ANXA10: variants seen among roughly 807,000 people sequenced by gnomAD.
The protein encoded by ANXA10 is annexin A10.
A neutral mutation model predicts 53.5 loss-of-function variants in ANXA10; 49 were observed. The observed-to-expected ratio is 0.92, with a 90% CI of 0.73 to 1.16. ANXA10 has a LOEUF of 1.16. ANXA10 is among the 50% of genes most tolerant of loss of function. The pLI, the probability that ANXA10 is intolerant of heterozygous loss-of-function variation, is 0.00. For synonymous variants in ANXA10, 131 were observed against 128.9 expected, an observed-to-expected ratio of 1.02 and a Z score of -0.11; for missense variants, 393 against 394.4, an observed-to-expected ratio of 1.00 and a Z score of 0.03.
intron 10 of ANXA10, 32 bp from the exon 11 acceptor site, chr4:168,184,527 T>A (rs751774389): frequency 1.1e-5 from 17 of 1,611,800 alleles, no homozygotes; most frequent in Non-Finnish European, 1.4e-5. Flanking sequence ...GATGCTGTCT[T>A]CTCATTTCTC....
intron 3 of ANXA10, among the ~76,000 whole-genome samples, chr4:168,151,232 A>C (rs1375512638): frequency 1.3e-5 from 2 of 152,230 alleles, no homozygotes; most frequent in African/African-American, 4.8e-5. Context: ...TTTAAACAGC[A>C]AAGAACATTT....
chr4:168,164,396 T>C, intron 5 of ANXA10, 108 bp downstream of exon 5: 1 of 850,162 alleles, frequency 1.2e-6, no homozygotes, highest in East Asian at 2.7e-5. Flanking sequence ...CATTCTTACA[T>C]TTAACATAGG....
At chr4:168,130,812 G>A (rs567359496) in intron 2 of ANXA10, among the ~76,000 whole-genome samples, 74 of 151,394 alleles carry the variant, frequency 4.9e-4, no homozygotes, top group African/African-American at 1.0e-3. Context: ...CTCCTGTTTC[G>A]TTTCTGATAT....
At chr4:168,147,005 G>A (rs760850754) in intron 3 of ANXA10, among the ~76,000 whole-genome samples, 8 of 152,260 alleles carry the variant, frequency 5.3e-5, no homozygotes, top group Middle Eastern at 3.4e-3. Flanking sequence ...TATCTGAATC[G>A]CCAGTGAACC....
intron 3 of ANXA10, among the ~76,000 whole-genome samples, chr4:168,142,930 G>A (rs1452826975): frequency 6.6e-6 from 1 of 152,160 alleles, no homozygotes; most frequent in East Asian, 1.9e-4. Context: ...GAAAAGCAGG[G>A]ATTGTAATAT....
chr4:168,176,669 C>T (rs541143661), intron 6 of ANXA10, among the ~76,000 whole-genome samples: 51 of 152,300 alleles, frequency 3.3e-4, no homozygotes, highest in Admixed American at 2.4e-3. Context: ...CTTGCTGTCT[C>T]ACTGGATTCA....
At chr4:168,112,796 G>T (rs189921550) in intron 1 of ANXA10, among the ~76,000 whole-genome samples, 1 of 152,190 alleles carries the variant, frequency 6.6e-6, no homozygotes, top group Non-Finnish European at 1.5e-5. Flanking sequence ...CAGGGTGGGC[G>T]GATCATTTGA....
chr4:168,095,492 A>G (rs1002177201), intron 1 of ANXA10, among the ~76,000 whole-genome samples: 2 of 152,124 alleles, frequency 1.3e-5, no homozygotes, highest in African/African-American at 2.4e-5. Flanking sequence ...AAATAGCATT[A>G]TGTATTATAC....
In ANXA10 at chr4:168,187,621, T is replaced by C. The variant is rs2149483563; in HGVS notation, c.*187T>C. 7.6e-6 allele frequency: 3 copies of C among 396,436 alleles called. No homozygotes were observed. The highest frequency in any genetic ancestry group is 3.9e-5 in the East Asian group (1 of 25,548). The allele number at this position is 396,436 out of a possible 1,614,324, so 24.6% of individuals were successfully genotyped here. A position where few individuals can be genotyped will look rare whatever the true frequency, so the allele number is the denominator to read the frequency against. ...GAAAGTATATGATACTGAATTTGCC[T>C]ACTATCCTGAATTTGCCTACTATCT... On this transcript the variant is annotated 3_prime_UTR_variant, in exon 12 of 12. Coordinates refer to ENST00000359299, the MANE Select transcript of ANXA10 (RefSeq NM_007193.5).
intron 1 of ANXA10, among the ~76,000 whole-genome samples, chr4:168,111,449 A>G (rs1437059852): frequency 6.6e-6 from 1 of 152,168 alleles, no homozygotes; most frequent in Non-Finnish European, 1.5e-5. Flanking sequence ...ATAATAATCA[A>G]AAAAAGAGTA....
At chr4:168,126,728 A>G (rs994584142) in intron 1 of ANXA10, among the ~76,000 whole-genome samples, 3 of 152,140 alleles carry the variant, frequency 2.0e-5, no homozygotes, top group Non-Finnish European at 4.4e-5. Context: ...AAGTATAATG[A>G]TTGAAAGAAT....
intron 11 of ANXA10, 148 bp from the exon 12 acceptor site, chr4:168,187,218 C>T (rs2149483444): frequency 4.8e-6 from 2 of 413,032 alleles, no homozygotes; most frequent in East Asian, 7.5e-5. Context: ...GTACTTAGGG[C>T]ATGTTAAACC....
chr4:168,154,577 T>C (rs902156089), intron 3 of ANXA10, among the ~76,000 whole-genome samples: 7 of 152,176 alleles, frequency 4.6e-5, no homozygotes, highest in African/African-American at 1.7e-4. Context: ...TACCTTTCTA[T>C]CAACTGTCAA....
intron 3 of ANXA10, among the ~76,000 whole-genome samples, chr4:168,158,115 A>C (rs1731721412): frequency 6.6e-6 from 1 of 152,196 alleles, no homozygotes; most frequent in Non-Finnish European, 1.5e-5. Flanking sequence ...TCAGTCTTTT[A>C]ATTTTAGCTG....
chr4:168,138,794 A>C (rs914433222), intron 2 of ANXA10, among the ~76,000 whole-genome samples: 3 of 152,214 alleles, frequency 2.0e-5, no homozygotes, highest in African/African-American at 7.2e-5. Context: ...TTACCCTTAC[A>C]GAGATCTTTC....
At chr4:168,186,567 C>T (rs1005109328) in intron 11 of ANXA10, among the ~76,000 whole-genome samples, 6 of 152,260 alleles carry the variant, frequency 3.9e-5, no homozygotes, top group African/African-American at 9.6e-5. Context: ...AGGCTGTCTA[C>T]GAGAGACAGG....
At chr4:168,158,908 T>C (rs1319413249) in intron 3 of ANXA10, among the ~76,000 whole-genome samples, 3 of 152,162 alleles carry the variant, frequency 2.0e-5, no homozygotes, top group South Asian at 4.1e-4. Context: ...TGAAGAGCTC[T>C]TTCCATGAGT....
chr4:168,170,336 T>C (rs932986203), intron 6 of ANXA10, among the ~76,000 whole-genome samples: 1 of 152,204 alleles, frequency 6.6e-6, no homozygotes. Context: ...TTTCTAGAAT[T>C]ACATGTAGGA....
chr4:168,128,024 A>G, intron 1 of ANXA10, 60 bp from the exon 2 acceptor site: 2 of 1,476,544 alleles, frequency 1.4e-6, no homozygotes, highest in Non-Finnish European at 1.9e-6. Flanking sequence ...GTGCCCGGCC[A>G]CAATGTTGAA....
Sources: allele counts gnomAD v4.1 joint callset (sites outside exome capture counted in the v4.1 genomes callset), GRCh38; gene constraint gnomAD v4.1.1; transcripts MANE v1.5; gene names NCBI Gene and HGNC (gene_info 2026-07-23, HGNC 2026-07-21).